The following TMPRSS4 variants were observed in gnomAD, a reference collection of about 807,000 sequenced individuals.
TMPRSS4 encodes transmembrane protease serine 4.
In TMPRSS4, 45 loss-of-function variants were observed where a neutral mutation model predicts 56.4. That is an observed-to-expected ratio of 0.80 (90% CI 0.63 to 1.02). The LOEUF is 1.02. Among genes scored for constraint, TMPRSS4 ranks in the 50% least tolerant of loss-of-function variants. The pLI is 0.00. For synonymous variants in TMPRSS4, 205 were observed against 211.0 expected (o/e 0.97, Z 0.25); for missense variants, 546 against 556.7 (o/e 0.98, Z 0.19).
chr11:118,080,238 C>G (rs796683879), intron 1 of TMPRSS4, among the ~76,000 whole-genome samples: 63 of 152,296 alleles, frequency 4.1e-4, no homozygotes, highest in African/African-American at 1.5e-3. Flanking sequence ...GGAAGAGAAA[C>G]TATTTGCATT....
At position 118,118,761 on chromosome 11, in the gene TMPRSS4, G is replaced by A. The variant is rs890756285; in HGVS notation, c.*848G>A. 25 of 985,314 alleles carry A rather than the reference G, an allele frequency of 2.5e-5. No individual in the cohort carries two copies. In the Admixed American group the frequency reaches 3.7e-4, roughly 15 times the overall value. The allele number at this position is 985,314 out of a possible 1,614,324, so 61.0% of individuals were successfully genotyped here. A position where few individuals can be genotyped will look rare whatever the true frequency, so the allele number is the denominator to read the frequency against. ...TATGACTTGGGAAAGAGATGAGTTA[G>A]GCAGTCAAGGGTGACATTCAATCAG... On this transcript the variant is annotated 3_prime_UTR_variant, in exon 13 of 13. Coordinates refer to ENST00000437212, the MANE Select transcript of TMPRSS4 (RefSeq NM_019894.4).
At chr11:118,108,766 G>T in intron 6 of TMPRSS4, 90 bp from the exon 7 acceptor site, 2 of 1,328,310 alleles carry the variant, frequency 1.5e-6, no homozygotes, top group South Asian at 1.2e-5. Context: ...ATTGGGAGGG[G>T]ACTTGAATTA....
rs1235604206 is a variant in TMPRSS4 at position 118,103,389 on chromosome 11, TTTG to T, written c.310+145_310+147del. On this transcript the variant is annotated intron_variant, in intron 4 of 12. Transcript: ENST00000437212. ...TTGTATAAGGTTCTTTGTTTGTTTG[TTTG>T]TTGTTGTTTTGAGGCAGAGTGCTCT... 194 of 1,141,036 alleles carry T rather than the reference TTTG, an allele frequency of 1.7e-4. No homozygotes were observed. In the Admixed American group the frequency reaches 1.8e-3, roughly 11 times the overall value. 70.7% of individuals were successfully genotyped at this position (1,141,036 alleles called of 1,614,324 possible).
intron 1 of TMPRSS4, among the ~76,000 whole-genome samples, chr11:118,079,288 C>A (rs562363850): frequency 2.0e-4 from 30 of 152,180 alleles, no homozygotes; most frequent in Admixed American, 5.9e-4. Flanking sequence ...CACCCAGGCT[C>A]AGCCCTCCCT....
chr11:118,108,693 T>C (rs1450427908), intron 6 of TMPRSS4, 163 bp from the exon 7 acceptor site: 6 of 648,388 alleles, frequency 9.3e-6, no homozygotes, highest in Non-Finnish European at 1.6e-5. Context: ...ATGCAGGAAA[T>C]GCAATGGATG....
intron 7 of TMPRSS4, among the ~76,000 whole-genome samples, chr11:118,109,220 G>A (rs145111408): frequency 1.2e-4 from 18 of 152,262 alleles, no homozygotes; most frequent in South Asian, 8.3e-4. Flanking sequence ...CCCTGGTCCG[G>A]GCCCACATAG....
intron 1 of TMPRSS4, chr11:118,088,086 G>A (rs1945699954): frequency 6.6e-6 from 1 of 152,260 alleles, no homozygotes; most frequent in Non-Finnish European, 1.5e-5. Context: ...TTGCAAGGGA[G>A]GAGTGATTCA....
chr11:118,122,920 T>C (rs538750415), downstream of TMPRSS4, among the ~76,000 whole-genome samples: 1 of 152,254 alleles, frequency 6.6e-6, no homozygotes, highest in East Asian at 1.9e-4. Context: ...CAAAAGAGGC[T>C]TGAAGGAGCC....
At chr11:118,094,253 C>T (rs752595209) in intron 1 of TMPRSS4, among the ~76,000 whole-genome samples, 5 of 152,204 alleles carry the variant, frequency 3.3e-5, no homozygotes, top group Non-Finnish European at 5.9e-5. Flanking sequence ...ACTTTACACT[C>T]CCACCAACAA....
intron 2 of TMPRSS4, chr11:118,095,079 A>C: frequency 1.7e-6 from 1 of 572,802 alleles, no homozygotes; most frequent in Non-Finnish European, 3.1e-6. Flanking sequence ...CAAACCTAAA[A>C]TCCCCAAAGC....
intron 1 of TMPRSS4, among the ~76,000 whole-genome samples, chr11:118,080,173 C>T (rs1362678626): frequency 6.6e-6 from 1 of 152,168 alleles, no homozygotes; most frequent in Non-Finnish European, 1.5e-5. Flanking sequence ...TTACAAGGTA[C>T]CCCTGGAGCT....
At position 118,077,207 on chromosome 11, in the gene TMPRSS4, G is replaced by A; in HGVS notation, c.-96G>A. 6.6e-7 allele frequency: 1 copy of A among 1,519,234 alleles called. No individual in the cohort carries two copies. Among genetic ancestry groups the A allele is most frequent in the Non-Finnish European group, 8.9e-7 (1 of 1,119,524 alleles). The allele number at this position is 1,519,234 out of a possible 1,614,324, so 94.1% of individuals were successfully genotyped here. ...CTGACCAGGGACTTCTGACCTGCTG[G>A]CCAGCCAGGACCTGTGTGGGGAGGC... On this transcript the variant is annotated 5_prime_UTR_variant, in exon 1 of 13. Coordinates refer to ENST00000437212, the MANE Select transcript of TMPRSS4 (RefSeq NM_019894.4).
intron 11 of TMPRSS4, among the ~76,000 whole-genome samples, chr11:118,116,808 G>A (rs2135466699): frequency 6.7e-6 from 1 of 150,288 alleles, no homozygotes; most frequent in African/African-American, 2.5e-5. Context: ...CCGCCTCTGG[G>A]TTCGAATGAT....
chr11:118,097,473 C>T (rs1169601480), intron 2 of TMPRSS4, among the ~76,000 whole-genome samples: 1 of 152,150 alleles, frequency 6.6e-6, no homozygotes, highest in Admixed American at 6.5e-5. Flanking sequence ...CGGTCCGTTG[C>T]TTTCCAGGGT....
chr11:118,102,949 C>A, intron 3 of TMPRSS4, 152 bp from the exon 4 acceptor site: 1 of 967,868 alleles, frequency 1.0e-6, no homozygotes, highest in Non-Finnish European at 1.6e-6. Context: ...GAGGCTCAGG[C>A]CCAAGTCTGT....
chr11:118,090,345 T>G (rs568812544), intron 1 of TMPRSS4, among the ~76,000 whole-genome samples: 1 of 152,326 alleles, frequency 6.6e-6, no homozygotes, highest in African/African-American at 2.4e-5. Context: ...ATCAGGGATA[T>G]CACAGTTAAC....
At chr11:118,107,388 C>T (rs10892215) in intron 5 of TMPRSS4, 16,749 of 161,628 alleles carry the variant, frequency 0.1, 1,470 homozygotes, top group East Asian at 0.35. Flanking sequence ...AGGGAGCTAA[C>T]CTGAGCCCCT....
At chr11:118,108,699 G>C in intron 6 of TMPRSS4, 157 bp from the exon 7 acceptor site, 1 of 662,600 alleles carries the variant, frequency 1.5e-6, no homozygotes, top group South Asian at 1.9e-5. Flanking sequence ...GAAATGCAAT[G>C]GATGTCAATG....
chr11:118,119,342 G>T lies in TMPRSS4; in HGVS notation c.*1429G>T, dbSNP rs942924847. Reference sequence around the variant, plus strand: ...GGGATAACTGATGGCAGTAAATGTGGTCTCAAATTGCAGATGGTCTGGAGG... The same window carrying T: ...GGGATAACTGATGGCAGTAAATGTGTTCTCAAATTGCAGATGGTCTGGAGG... On this transcript the variant is annotated 3_prime_UTR_variant, in exon 13 of 13. Coordinates refer to ENST00000437212, the MANE Select transcript of TMPRSS4 (RefSeq NM_019894.4). 4.2e-5 allele frequency: 41 copies of T among 985,264 alleles called. No homozygotes were observed. Among genetic ancestry groups the T allele is most frequent in the Non-Finnish European group, 4.8e-5 (40 of 829,940 alleles). 61.0% of individuals were successfully genotyped at this position (985,264 alleles called of 1,614,324 possible).
Sources: allele counts gnomAD v4.1 joint callset (sites outside exome capture counted in the v4.1 genomes callset), GRCh38; gene constraint gnomAD v4.1.1; transcripts MANE v1.5; gene names NCBI Gene and HGNC (gene_info 2026-07-23, HGNC 2026-07-21).